Variants in NLGN1 observed in about 807,000 individuals in gnomAD.
NLGN1 encodes neuroligin 1.
Under a neutral mutation model 65.5 loss-of-function variants are expected in NLGN1, and 12 were observed. The observed-to-expected ratio is 0.18, with a 90% CI of 0.12 to 0.30. The LOEUF is 0.30. NLGN1 is among the 10% of genes least tolerant of loss of function. The pLI, the probability that NLGN1 is intolerant of heterozygous loss-of-function variation, is 1.00. For missense variants in NLGN1, 750 were observed against 1,007.1 expected (o/e 0.74, Z 3.46); for synonymous variants, 350 against 359.5 (o/e 0.97, Z 0.30).
At chr3:174,031,959 T>A (rs1325809537) in intron 4 of NLGN1, among the ~76,000 whole-genome samples, 1 of 151,444 alleles carries the variant, frequency 6.6e-6, no homozygotes, top group Non-Finnish European at 1.5e-5. Flanking sequence ...CAAAAAAAAA[T>A]AGTTATTATA....
At chr3:173,829,348 A>C (rs953631111) in intron 4 of NLGN1, among the ~76,000 whole-genome samples, 3 of 152,184 alleles carry the variant, frequency 2.0e-5, no homozygotes, top group African/African-American at 4.8e-5. Flanking sequence ...GTCAGGCTAG[A>C]GAGAAAAATC....
intron 4 of NLGN1, among the ~76,000 whole-genome samples, chr3:173,846,299 C>T (rs1230185058): frequency 6.6e-6 from 1 of 152,124 alleles, no homozygotes; most frequent in Non-Finnish European, 1.5e-5. Context: ...GATTCTCAGG[C>T]CTACAAGGTC....
chr3:173,880,028 G>C (rs1004588591), intron 4 of NLGN1, among the ~76,000 whole-genome samples: 1 of 152,050 alleles, frequency 6.6e-6, no homozygotes, highest in African/African-American at 2.4e-5. Context: ...TATCCTATAA[G>C]CAAGCATAGT....
intron 3 of NLGN1, among the ~76,000 whole-genome samples, chr3:173,643,051 G>A (rs1757664764): frequency 6.6e-6 from 1 of 152,148 alleles, no homozygotes; most frequent in Non-Finnish European, 1.5e-5. Context: ...TACATTGAAT[G>A]TGATTAGAGC....
At chr3:173,798,691 A>G (rs535722772) in intron 3 of NLGN1, among the ~76,000 whole-genome samples, 1 of 152,156 alleles carries the variant, frequency 6.6e-6, no homozygotes, top group African/African-American at 2.4e-5. Flanking sequence ...ATAAAAGTCT[A>G]TCACTTAATT....
In NLGN1 at chr3:174,178,671, A is replaced by G. The variant is rs1167680647; in HGVS notation, c.647-96644A>G. On this transcript the variant is annotated intron_variant, in intron 4 of 6. Transcript: ENST00000457714. ...AGTACCTTCAGAAAAATGAATATCA[A>G]AGATGATTTATTTCTCCTGTGTATT... 2.0e-5 allele frequency among the ~76,000 whole-genome samples: 3 copies of G among 152,212 alleles called. No homozygotes were observed. The East Asian group carries it at 5.8e-4, about 29-fold the overall frequency.
At chr3:174,256,230 C>T (rs995898772) in intron 4 of NLGN1, among the ~76,000 whole-genome samples, 4 of 152,056 alleles carry the variant, frequency 2.6e-5, no homozygotes, top group African/African-American at 9.7e-5. Flanking sequence ...TCTGTTTATT[C>T]AGGGGACATA....
At chr3:173,419,419 T>C (rs1056029209) in intron 1 of NLGN1, among the ~76,000 whole-genome samples, 7 of 151,992 alleles carry the variant, frequency 4.6e-5, no homozygotes, top group Admixed American at 1.3e-4. Flanking sequence ...AGCATGTCTC[T>C]GGTTGCAGAG....
chr3:173,599,068 C>T (rs1750010309), intron 2 of NLGN1, among the ~76,000 whole-genome samples: 2 of 152,118 alleles, frequency 1.3e-5, no homozygotes, highest in African/African-American at 4.8e-5. Context: ...CTTTTAAGCC[C>T]ATCTTAAATT....
At chr3:173,404,359 C>T (rs1326436198) in intron 1 of NLGN1, among the ~76,000 whole-genome samples, 2 of 152,064 alleles carry the variant, frequency 1.3e-5, no homozygotes, top group South Asian at 2.1e-4. Context: ...TTAGAATGTG[C>T]CTTCTGAGCA....
chr3:174,146,490 T>C (rs1723299195), intron 4 of NLGN1, among the ~76,000 whole-genome samples: 1 of 152,186 alleles, frequency 6.6e-6, no homozygotes. Context: ...TTTTTAGTTT[T>C]AATTTTAAAG....
intron 3 of NLGN1, among the ~76,000 whole-genome samples, chr3:173,733,088 G>T (rs1026719848): frequency 1.3e-5 from 2 of 151,860 alleles, no homozygotes; most frequent in Admixed American, 1.3e-4. Context: ...TATAAAGCTG[G>T]TTATACATTT....
chr3:173,854,737 A>G (rs1035374979), intron 4 of NLGN1, among the ~76,000 whole-genome samples: 1 of 152,092 alleles, frequency 6.6e-6, no homozygotes, highest in African/African-American at 2.4e-5. Flanking sequence ...GGGGATTGAC[A>G]TCTGAACTGA....
intron 4 of NLGN1, among the ~76,000 whole-genome samples, chr3:174,244,540 T>C (rs1466985288): frequency 1.3e-5 from 2 of 152,184 alleles, no homozygotes; most frequent in African/African-American, 2.4e-5. Context: ...AAATGCCCTT[T>C]AATACTAAGT....
chr3:174,225,062 A>G (rs1220673045), intron 4 of NLGN1, among the ~76,000 whole-genome samples: 2 of 152,174 alleles, frequency 1.3e-5, no homozygotes, highest in Non-Finnish European at 2.9e-5. Flanking sequence ...ATGGAAAAAT[A>G]CAAGTATCTT....
chr3:173,729,073 A>T (rs1772340490), intron 3 of NLGN1, among the ~76,000 whole-genome samples: 1 of 152,060 alleles, frequency 6.6e-6, no homozygotes, highest in African/African-American at 2.4e-5. Context: ...ATTGTCATAT[A>T]CTTTTAAAAT....
chr3:173,844,576 T>A (rs1018926845), intron 4 of NLGN1, among the ~76,000 whole-genome samples: 18 of 152,176 alleles, frequency 1.2e-4, no homozygotes, highest in Non-Finnish European at 2.6e-4. Context: ...TCAGAAGACC[T>A]TTTCCTCAAA....
chr3:173,933,195 C>G (rs1744423317), intron 4 of NLGN1, among the ~76,000 whole-genome samples: 1 of 152,046 alleles, frequency 6.6e-6, no homozygotes, highest in Non-Finnish European at 1.5e-5. Flanking sequence ...AGAAGGCAAA[C>G]AAACTATTCA....
intron 4 of NLGN1, among the ~76,000 whole-genome samples, chr3:174,191,944 A>G (rs1732464744): frequency 6.6e-6 from 1 of 152,118 alleles, no homozygotes; most frequent in South Asian, 2.1e-4. Flanking sequence ...GTCAGCTAGA[A>G]CTTCTAGTCC....
Sources: allele counts gnomAD v4.1 joint callset (sites outside exome capture counted in the v4.1 genomes callset), GRCh38; gene constraint gnomAD v4.1.1; transcripts MANE v1.5; gene names NCBI Gene and HGNC (gene_info 2026-07-23, HGNC 2026-07-21).